CNTNAP2: variants seen among roughly 807,000 people sequenced by gnomAD.
CNTNAP2 encodes contactin-associated protein-like 2.
CNTNAP2 carries 98 observed loss-of-function variants against 155.2 expected under a neutral mutation model. The observed-to-expected ratio is 0.63, with a 90% CI of 0.54 to 0.75. CNTNAP2 has a LOEUF of 0.75. Ranked by LOEUF, CNTNAP2 falls within the 30% of genes least tolerant of loss-of-function variation. The probability of loss-of-function intolerance (pLI) is 0.00; values close to 1 mark genes in which losing one functional copy is unlikely to be tolerated. For missense variants in CNTNAP2, 1,727 were observed against 1,688.1 expected (o/e 1.02, Z -0.40); for synonymous variants, 651 against 631.2 (o/e 1.03, Z -0.47).
At chr7:148,414,093 A>G (rs1799920426) in intron 23 of CNTNAP2, among the ~76,000 whole-genome samples, 2 of 80,004 alleles carry the variant, frequency 2.5e-5, no homozygotes, top group African/African-American at 5.8e-5. Context: ...TTTTTTTTAG[A>G]CAGAGTCCCC....
At chr7:146,712,349 T>TTATGTATACTATATAGTATACATATGA (rs1801107692) in intron 1 of CNTNAP2, among the ~76,000 whole-genome samples, 3 of 143,946 alleles carry the variant, frequency 2.1e-5, no homozygotes, top group African/African-American at 7.8e-5. Flanking sequence ...TATACATATC[T>TTATGTATACTATATAGTATACATATGA]TATGTATACT....
intron 16 of CNTNAP2, among the ~76,000 whole-genome samples, chr7:148,136,069 GGA>G (rs1804943162): frequency 1.1e-5 from 1 of 87,196 alleles, no homozygotes; most frequent in African/African-American, 4.6e-5. Flanking sequence ...GGAGGGGAAG[GGA>G]GAGGGAGGGG....
In CNTNAP2 at chr7:146,839,936, AATTGG is replaced by A. The variant is rs1414355088; in HGVS notation, c.402+39_402+43del. 3 of 1,609,918 alleles carry A rather than the reference AATTGG, an allele frequency of 1.9e-6. No homozygotes were observed. In the South Asian group the frequency reaches 3.3e-5, roughly 18 times the overall value. ...CATTGGCAGGAAAGCAAAGACACAG[AATTGG>A]ATTGGAAATATTAGAAAATGGTACA... On this transcript the variant is annotated intron_variant, in intron 3 of 23. Transcript: ENST00000361727.
chr7:147,648,234 G>A (rs943352576), intron 13 of CNTNAP2, among the ~76,000 whole-genome samples: 8 of 152,250 alleles, frequency 5.3e-5, no homozygotes, highest in African/African-American at 1.9e-4. Flanking sequence ...GGAATAATAG[G>A]TCCCAGGAGA....
At position 146,241,124 on chromosome 7, in the gene CNTNAP2, A is replaced by ACT. The variant is rs1388337064; in HGVS notation, c.97+124152_97+124153insTC. Among the ~76,000 whole-genome samples the ACT allele has an allele frequency of 5.9e-4, 90 of 152,270 alleles. 1 individual carries two copies. The highest frequency in any genetic ancestry group is 2.1e-3 in the African/African-American group (87 of 41,558). ...CTAAACATTCATGAGAAAACTACCC[A>ACT]CATGATCCACTCAGCTCCCATCAGG... On this transcript the variant is annotated intron_variant, in intron 1 of 23. Coordinates refer to ENST00000361727, the MANE Select transcript of CNTNAP2 (RefSeq NM_014141.6).
At chr7:148,352,711 T>C (rs1206296237) in intron 21 of CNTNAP2, among the ~76,000 whole-genome samples, 1 of 152,138 alleles carries the variant, frequency 6.6e-6, no homozygotes, top group Non-Finnish European at 1.5e-5. Context: ...GGTAGGAGTA[T>C]GGGGGGCTGT....
intron 8 of CNTNAP2, among the ~76,000 whole-genome samples, chr7:147,198,232 C>CTGTTTT (rs1802844862): frequency 1.4e-3 from 162 of 113,088 alleles, no homozygotes; most frequent in Non-Finnish European, 2.4e-3. Flanking sequence ...TTCCAATATC[C>CTGTTTT]TTTTTTTTTT....
At chr7:146,519,935 G>GA (rs922613693) in intron 1 of CNTNAP2, among the ~76,000 whole-genome samples, 13 of 150,512 alleles carry the variant, frequency 8.6e-5, no homozygotes, top group African/African-American at 1.2e-4. Flanking sequence ...TTTTATGGGG[G>GA]AAAAAAAACC....
chr7:148,351,090 G>A (rs1798417204), intron 21 of CNTNAP2, among the ~76,000 whole-genome samples: 1 of 152,074 alleles, frequency 6.6e-6, no homozygotes, highest in Non-Finnish European at 1.5e-5. Flanking sequence ...ATGACAAATG[G>A]GCAAACAAGA....
intron 1 of CNTNAP2, among the ~76,000 whole-genome samples, chr7:146,606,579 T>C (rs904997807): frequency 3.3e-5 from 5 of 152,204 alleles, no homozygotes; most frequent in Non-Finnish European, 5.9e-5. Context: ...ATTTTTATGT[T>C]TTGTCTCTTT....
At chr7:147,716,312 T>C (rs551516495) in intron 13 of CNTNAP2, among the ~76,000 whole-genome samples, 1 of 152,214 alleles carries the variant, frequency 6.6e-6, no homozygotes, top group Admixed American at 6.5e-5. Context: ...AGAAAGATAA[T>C]AGGTCTCTGC....
At chr7:147,419,323 TC>T (rs971203221) in intron 10 of CNTNAP2, among the ~76,000 whole-genome samples, 5 of 151,980 alleles carry the variant, frequency 3.3e-5, no homozygotes, top group Admixed American at 3.3e-4. Context: ...GCCCTCTCAT[TC>T]CCACCACCAA....
rs556987764 is a variant in CNTNAP2 at position 146,256,166 on chromosome 7, T to C, written c.97+139193T>C. Among the ~76,000 whole-genome samples, 2 of 152,258 alleles carry C rather than the reference T, an allele frequency of 1.3e-5. 1 individual carries two copies. Among genetic ancestry groups the C allele is most frequent in the African/African-American group, 4.8e-5 (2 of 41,558 alleles). The stretch of plus-strand genomic sequence containing the variant: ...TTTGGGTCATAGGTCTTCCTGGCCT[T>C]TTCATTTGTGCAGCCTCTTGGCAGG... On this transcript the variant is annotated intron_variant, in intron 1 of 23. Transcript: ENST00000361727.
At chr7:148,303,042 C>T (rs927686079) in intron 21 of CNTNAP2, among the ~76,000 whole-genome samples, 11 of 151,966 alleles carry the variant, frequency 7.2e-5, no homozygotes, top group African/African-American at 2.7e-4. Flanking sequence ...TGATCCTGAT[C>T]TCTCAGGAGA....
intron 13 of CNTNAP2, among the ~76,000 whole-genome samples, chr7:147,885,290 G>A (rs148745301): frequency 2.6e-4 from 39 of 152,254 alleles, no homozygotes; most frequent in African/African-American, 7.9e-4. Flanking sequence ...TCTCCTGGTC[G>A]TGTCTTCATC....
chr7:146,693,614 G>C (rs1034575476), intron 1 of CNTNAP2, among the ~76,000 whole-genome samples: 1 of 152,034 alleles, frequency 6.6e-6, no homozygotes, highest in African/African-American at 2.4e-5. Context: ...CCCTCCCTGG[G>C]TTCTGTTTCC....
At chr7:148,224,633 G>A (rs956224528) in intron 19 of CNTNAP2, among the ~76,000 whole-genome samples, 3 of 152,194 alleles carry the variant, frequency 2.0e-5, no homozygotes, top group South Asian at 2.1e-4. Context: ...TTGAAAACAT[G>A]GGGAAGAAGA....
chr7:146,357,801 C>A (rs953114130), intron 1 of CNTNAP2, among the ~76,000 whole-genome samples: 2 of 151,674 alleles, frequency 1.3e-5, no homozygotes, highest in Non-Finnish European at 2.9e-5. Context: ...ACATCAGAAT[C>A]AAAAATTGAT....
At chr7:148,097,839 G>A (rs1563198472) in intron 15 of CNTNAP2, among the ~76,000 whole-genome samples, 1 of 152,140 alleles carries the variant, frequency 6.6e-6, no homozygotes, top group Non-Finnish European at 1.5e-5. Context: ...GCCCAGCAAG[G>A]TGTCAAAAAC....
Sources: allele counts gnomAD v4.1 joint callset (sites outside exome capture counted in the v4.1 genomes callset), GRCh38; gene constraint gnomAD v4.1.1; transcripts MANE v1.5; gene names NCBI Gene and HGNC (gene_info 2026-07-23, HGNC 2026-07-21).